DPYD: variants seen among roughly 807,000 people sequenced by gnomAD.
The protein encoded by DPYD is dihydropyrimidine dehydrogenase [NADP(+)].
Under a neutral mutation model 116.2 loss-of-function variants are expected in DPYD, and 109 were observed. That is an observed-to-expected ratio of 0.94 (90% confidence interval 0.80 to 1.10). The LOEUF is 1.10. Among genes scored for constraint, DPYD ranks in the 50% least tolerant of loss-of-function variants. The pLI is 0.00. For missense variants in DPYD, 1,302 were observed against 1,254.5 expected, an observed-to-expected ratio of 1.04 and a Z score of -0.57; for synonymous variants, 440 against 432.0, an observed-to-expected ratio of 1.02 and a Z score of -0.23.
intron 11 of DPYD, among the ~76,000 whole-genome samples, chr1:97,557,308 C>A (rs796650237): frequency 2.8e-5 from 3 of 107,160 alleles, no homozygotes; most frequent in Non-Finnish European, 5.6e-5. Flanking sequence ...TTTTTCTTTT[C>A]TTTTTTTTTT....
At chr1:97,680,931 C>T (rs918892261) in intron 7 of DPYD, among the ~76,000 whole-genome samples, 5 of 152,034 alleles carry the variant, frequency 3.3e-5, no homozygotes, top group African/African-American at 9.7e-5. Context: ...AAGCACAATG[C>T]CTGGTAGGTT....
chr1:97,483,918 CCA>C (rs1329100428), intron 13 of DPYD, among the ~76,000 whole-genome samples: 1 of 152,166 alleles, frequency 6.6e-6, no homozygotes, highest in African/African-American at 2.4e-5. Context: ...TATACATTAC[CCA>C]GTCTCAGATA....
intron 20 of DPYD, among the ~76,000 whole-genome samples, chr1:97,148,335 T>C (rs1245259975): frequency 1.3e-5 from 2 of 152,080 alleles, no homozygotes; most frequent in Non-Finnish European, 2.9e-5. Flanking sequence ...GAAAGTTCCA[T>C]ACTATAGAGA....
At chr1:97,576,879 T>C (rs1312845245) in intron 10 of DPYD, among the ~76,000 whole-genome samples, 1 of 152,242 alleles carries the variant, frequency 6.6e-6, no homozygotes, top group Non-Finnish European at 1.5e-5. Context: ...AGAACTAGAC[T>C]ATTAAGCAGC....
chr1:97,277,677 TA>T (rs1296422766), intron 18 of DPYD, among the ~76,000 whole-genome samples: 1 of 152,188 alleles, frequency 6.6e-6, no homozygotes, highest in African/African-American at 2.4e-5. Flanking sequence ...CCATTGCTAC[TA>T]CACTGGTCTA....
At chr1:97,561,522 T>A (rs1453149073) in intron 11 of DPYD, among the ~76,000 whole-genome samples, 1 of 152,166 alleles carries the variant, frequency 6.6e-6, no homozygotes, top group Non-Finnish European at 1.5e-5. Context: ...CTTCAGAATA[T>A]GTAAGATATA....
chr1:97,258,063 C>A (rs2027057), intron 18 of DPYD, among the ~76,000 whole-genome samples: 151,531 of 152,246 alleles, frequency 1, 75,413 homozygotes, highest in Middle Eastern at 1. Context: ...CAAAAGGATA[C>A]AGATCTGGCT....
intron 1 of DPYD, among the ~76,000 whole-genome samples, chr1:97,907,007 T>C (rs966242521): frequency 6.6e-6 from 1 of 152,054 alleles, no homozygotes; most frequent in Non-Finnish European, 1.5e-5. Context: ...ATTGCCACAG[T>C]CATCTGAGAA....
chr1:97,337,968 C>T (rs931181560), intron 16 of DPYD, among the ~76,000 whole-genome samples: 1 of 152,156 alleles, frequency 6.6e-6, no homozygotes, highest in African/African-American at 2.4e-5. Flanking sequence ...GGGCTCTGTA[C>T]TTAGTACCAT....
At chr1:97,614,182 A>T (rs556463033) in intron 8 of DPYD, among the ~76,000 whole-genome samples, 1 of 152,184 alleles carries the variant, frequency 6.6e-6, no homozygotes, top group South Asian at 2.1e-4. Flanking sequence ...AATCCCTACA[A>T]AAAATAAATG....
intron 20 of DPYD, among the ~76,000 whole-genome samples, chr1:97,113,910 T>C (rs1304464488): frequency 6.6e-6 from 1 of 152,088 alleles, no homozygotes; most frequent in East Asian, 1.9e-4. Flanking sequence ...AATGCATGTC[T>C]TAGATTTGGT....
intron 16 of DPYD, among the ~76,000 whole-genome samples, chr1:97,355,710 G>A (rs980501314): frequency 2.0e-5 from 3 of 152,022 alleles, no homozygotes; most frequent in Admixed American, 6.6e-5. Flanking sequence ...CTTCCTTCAC[G>A]TAACATGTTC....
intron 13 of DPYD, among the ~76,000 whole-genome samples, chr1:97,458,004 A>T (rs2101814835): frequency 6.6e-6 from 1 of 152,270 alleles, no homozygotes; most frequent in East Asian, 1.9e-4. Flanking sequence ...TTCAGATAAG[A>T]GGTTTTGGAT....
At chr1:97,606,094 T>C (rs769160412) in intron 8 of DPYD, among the ~76,000 whole-genome samples, 13 of 152,084 alleles carry the variant, frequency 8.5e-5, no homozygotes, top group Non-Finnish European at 1.5e-4. Flanking sequence ...TAGTCTATCA[T>C]ATTCAACTTT....
intron 16 of DPYD, among the ~76,000 whole-genome samples, chr1:97,365,430 T>C (rs116038331): frequency 0.01 from 1,592 of 152,344 alleles, 17 homozygotes; most frequent in Non-Finnish European, 0.018. Context: ...CCATCTCACC[T>C]CTGTCTCTGT....
chr1:97,496,278 A>C (rs1016464281), intron 13 of DPYD, among the ~76,000 whole-genome samples: 2 of 152,036 alleles, frequency 1.3e-5, no homozygotes, highest in African/African-American at 4.8e-5. Flanking sequence ...TTACACTGTA[A>C]GCTCCATGAA....
chr1:97,469,247 C>T (rs1677492333), intron 13 of DPYD, among the ~76,000 whole-genome samples: 1 of 151,942 alleles, frequency 6.6e-6, no homozygotes, highest in South Asian at 2.1e-4. Flanking sequence ...CATCATAGGT[C>T]TCCAGAAGCC....
chr1:97,648,175 C>A (rs1045214602), intron 8 of DPYD, among the ~76,000 whole-genome samples: 1 of 151,944 alleles, frequency 6.6e-6, no homozygotes, highest in African/African-American at 2.4e-5. Flanking sequence ...ATACTGATAG[C>A]CTCACTATAA....
intron 14 of DPYD, among the ~76,000 whole-genome samples, chr1:97,448,605 T>C (rs1676220820): frequency 6.6e-6 from 1 of 150,526 alleles, no homozygotes; most frequent in Non-Finnish European, 1.5e-5. Context: ...TTATTTCTTT[T>C]TATAGTTGAT....
Sources: allele counts gnomAD v4.1 joint callset (sites outside exome capture counted in the v4.1 genomes callset), GRCh38; gene constraint gnomAD v4.1.1; transcripts MANE v1.5; gene names NCBI Gene and HGNC (gene_info 2026-07-23, HGNC 2026-07-21).